The following INSRR variants were observed in gnomAD, a reference collection of about 807,000 sequenced individuals.
INSRR encodes insulin receptor related receptor, also known as insulin receptor-related protein.
A neutral mutation model predicts 130.0 loss-of-function variants in INSRR; 114 were observed. The ratio of observed to expected loss-of-function variants is 0.88; its 90% CI spans 0.75 to 1.02. INSRR has a LOEUF of 1.02. Ranked by LOEUF, INSRR falls within the 50% of genes least tolerant of loss-of-function variation. INSRR has a pLI of 0.00. For missense variants in INSRR, 1,657 were observed against 1,735.2 expected (o/e 0.95, Z 0.80); for synonymous variants, 674 against 705.2 (o/e 0.96, Z 0.70).
intron 5 of INSRR, 40 bp downstream of exon 5, chr1:156,851,250 G>A: frequency 1.9e-6 from 3 of 1,611,238 alleles, no homozygotes; most frequent in Non-Finnish European, 2.5e-6. Context: ...TTGGAGGAAG[G>A]AGTGTAATAG....
Position 156,852,202 on chromosome 1 carries a change from A to G in INSRR, c.638-11T>C. The stretch of plus-strand genomic sequence containing the variant: ...GGGGGCAGGGGCACACTGTGGGGAG[A>G]GTGGTGTGTTAGACGTTGGCCATGC... On this transcript the variant is annotated splice_polypyrimidine_tract_variant and intron_variant, in intron 2 of 21. Coordinates refer to ENST00000368195, the MANE Select transcript of INSRR (RefSeq NM_014215.3). The G allele has an allele frequency of 6.3e-7, 1 of 1,578,418 alleles. No individual in the cohort carries two copies. Among genetic ancestry groups the G allele is most frequent in the Non-Finnish European group, 8.6e-7 (1 of 1,159,292 alleles).
rs753867789 is a variant in INSRR, at chr1:156,845,278, G to T, written c.2235C>A (p.Arg745=). ...CCAGCCGGAGGGGCCCAGCTGCCCG[G>T]CGGTGCCGCCCTGAGTCCCTGGGGA... ...KSPQRDSGRH[R]RAAGPLRLGG... is the part of the protein sequence containing the mutation. The change falls in exon 12 of 22, where the codon CGC becomes CGA. Residue 745 remains arginine (R), a synonymous_variant. Coordinates refer to ENST00000368195, the MANE Select transcript of INSRR (RefSeq NM_014215.3). 2 of 1,612,434 alleles carry T rather than the reference G, an allele frequency of 1.2e-6. No homozygotes were observed. Among genetic ancestry groups the T allele is most frequent in the African/African-American group, 1.3e-5 (1 of 74,932 alleles).
chr1:156,846,658 C>A lies in INSRR; in HGVS notation c.1671G>T (p.Glu557Asp). ...TGAGGGAGGCTAGGGTCACCCCTGG[C>A]TCCTGGGTGCGGCTTAGGGGCAGCT... ...DVELPLSRTQ[E>D]PGVTLASLKP... The change falls in exon 8 of 22, where the codon GAG (glutamate) becomes GAT (aspartate). Residue 557 changes from glutamate (E) to aspartate (D), a missense_variant. Coordinates refer to ENST00000368195, the MANE Select transcript of INSRR (RefSeq NM_014215.3). 1.9e-6 allele frequency: 3 copies of A among 1,614,198 alleles called. No individual in the cohort carries two copies. Among genetic ancestry groups the A allele is most frequent in the Non-Finnish European group, 2.5e-6 (3 of 1,180,018 alleles).
chr1:156,846,243 C>T, intron 8 of INSRR, 124 bp from the exon 9 acceptor site: 3 of 1,050,320 alleles, frequency 2.9e-6, no homozygotes, highest in Admixed American at 2.8e-5. Flanking sequence ...GATCCTCACC[C>T]CTGGCTTCCT....
In INSRR at chr1:156,842,490, C is replaced by G; in HGVS notation, c.3145G>C (p.Val1049Leu). 6.2e-7 allele frequency: 1 copy of G among 1,614,036 alleles called. No homozygotes were observed. Among genetic ancestry groups the G allele is most frequent in the South Asian group, 1.1e-5 (1 of 91,078 alleles). Residue 1049 changes from valine (V) to leucine (L), a missense_variant, in exon 18 of 22, where the codon GTA (valine) becomes CTA (leucine). Coordinates refer to ENST00000368195, the MANE Select transcript of INSRR (RefSeq NM_014215.3). ...ACCAGAGTTGGCTGGCCCTGAGATA[C>G]CACACCCAGGAGACGCACCTGGGAC... ...CHHVVRLLGV[V>L]SQGQPTLVIM...
At position 156,853,942 on chromosome 1, in the gene INSRR, G is replaced by C. The variant is rs769299119; in HGVS notation, c.447C>G (p.His149Gln). Residue 149 changes from histidine to glutamine, a missense_variant, in exon 2 of 22, where the codon CAC becomes CAG. Transcript: ENST00000368195. The stretch of plus-strand genomic sequence containing the variant: ...GCAGTCCCCAGTCAATGGTGGAGAG[G>C]TGGCAGAGCTCCTGGTTCTTCTCCA... ...VRVEKNQELC[H>Q]LSTIDWGLLQ... 3 of 1,613,726 alleles carry C rather than the reference G, an allele frequency of 1.9e-6. No homozygotes were observed. Among genetic ancestry groups the C allele is most frequent in the Non-Finnish European group, 2.5e-6 (3 of 1,179,800 alleles).
At chr1:156,842,017 G>T (rs1654809054) in intron 19 of INSRR, 95 bp downstream of exon 19, 1 of 1,586,408 alleles carries the variant, frequency 6.3e-7, no homozygotes, top group Non-Finnish European at 8.6e-7. Context: ...GGTCTCACAG[G>T]CTGTCAGGAC....
rs765450452 is a variant in INSRR, at chr1:156,844,540, A to C, written c.2659T>G (p.Ser887Ala). ...AGTGAGGTTGCCCTAACCCTGGCAG[A>C]GTAGTTTCCAGGGGGCAGCAGGGCC... ...HLALLPPGNY[S>A]ARVRATSLAG... The change falls in exon 14 of 22, where the codon TCT (serine) becomes GCT (alanine). Residue 887 changes from serine to alanine, a missense_variant. By Grantham distance (99) the Ser-to-Ala change is moderately conservative. Coordinates refer to ENST00000368195, the MANE Select transcript of INSRR (RefSeq NM_014215.3). The C allele has an allele frequency of 1.2e-6, 2 of 1,614,190 alleles. No individual in the cohort carries two copies. The highest frequency in any genetic ancestry group is 1.7e-6 in the Non-Finnish European group (2 of 1,180,030).
At chr1:156,855,223 A>C (rs1175366517) in intron 1 of INSRR, among the ~76,000 whole-genome samples, 1 of 26,884 alleles carries the variant, frequency 3.7e-5, no homozygotes, top group Non-Finnish European at 8.8e-5. Context: ...TATTTATTTG[A>C]TATGGAGTCT....
At chr1:156,850,531 ATTCTTTTTTTT>A (rs1457613988) in intron 5 of INSRR, among the ~76,000 whole-genome samples, 38 of 97,052 alleles carry the variant, frequency 3.9e-4, no homozygotes, top group Middle Eastern at 0.016. Context: ...AATTTAAAAC[ATTCTTTTTTTT>A]TTTTTTTTTT....
At chr1:156,853,087 G>T (rs1035028374) in intron 2 of INSRR, among the ~76,000 whole-genome samples, 1 of 151,936 alleles carries the variant, frequency 6.6e-6, no homozygotes, top group Non-Finnish European at 1.5e-5. Context: ...TTTCTCTACT[G>T]CTTTTTTCCT....
Position 156,858,852 on chromosome 1 carries a change from T to A in INSRR, c.-231A>T. 1.8e-6 allele frequency: 1 copy of A among 568,884 alleles called. No individual in the cohort carries two copies. Among genetic ancestry groups the A allele is most frequent in the Non-Finnish European group, 3.1e-6 (1 of 317,826 alleles). 35.2% of individuals were successfully genotyped at this position (568,884 alleles called of 1,614,324 possible). On this transcript the variant is annotated 5_prime_UTR_variant, in exon 1 of 22. The change abolishes an upstream ATG in the 5' untranslated region. Coordinates refer to ENST00000368195, the MANE Select transcript of INSRR (RefSeq NM_014215.3). ...CAGTTGGAGACAGAGAGACTCAGCA[T>A]GAGATTGAGAGATGGGGACAGAGAT...
chr1:156,844,139 GA>G, intron 15 of INSRR, 35 bp downstream of exon 15: 2 of 1,489,000 alleles, frequency 1.3e-6, no homozygotes, highest in Non-Finnish European at 9.3e-7. Context: ...GGCTCAGGGA[GA>G]AAAGGGGGTG....
rs1461980266 is a variant in INSRR, at chr1:156,858,986, GC to G, written c.-366del. 2 of 238,534 alleles carry G rather than the reference GC, an allele frequency of 8.4e-6. No homozygotes were observed. The highest frequency in any genetic ancestry group is 1.7e-5 in the Non-Finnish European group (2 of 118,668). The allele number at this position is 238,534 out of a possible 1,614,324, so 14.8% of individuals were successfully genotyped here. A position where few individuals can be genotyped will look rare whatever the true frequency, so the allele number is the denominator to read the frequency against. On this transcript the variant is annotated 5_prime_UTR_variant, in exon 1 of 22. Transcript: ENST00000368195. Reference sequence around the variant, plus strand: ...GCCAACCCTGAGGGCGGAGCAGCAGGCTGGGGACCGCTCCCAAGGAGGGCAG... The same window carrying G: ...GCCAACCCTGAGGGCGGAGCAGCAGGTGGGGACCGCTCCCAAGGAGGGCAG...
At position 156,844,555 on chromosome 1, in the gene INSRR, G is replaced by A. The variant is rs1004080370; in HGVS notation, c.2644C>T (p.Pro882Ser). 6.2e-7 allele frequency: 1 copy of A among 1,614,198 alleles called. No individual in the cohort carries two copies. Among genetic ancestry groups the A allele is most frequent in the South Asian group, 1.1e-5 (1 of 91,082 alleles). ...ACCCTGGCAGAGTAGTTTCCAGGGG[G>A]CAGCAGGGCCAGGTGGACTCCCCCA... ...KFGGVHLALLPPGNYSARVRA... is the reference protein window; with the variant it reads ...KFGGVHLALLSPGNYSARVRA... Residue 882 changes from proline (P) to serine (S), a missense_variant, in exon 14 of 22, where the codon CCC becomes TCC. Pro to Ser is a moderately conservative substitution (Grantham distance 74). Coordinates refer to ENST00000368195, the MANE Select transcript of INSRR (RefSeq NM_014215.3).
intron 12 of INSRR, 51 bp downstream of exon 12, chr1:156,845,025 G>C (rs1654939335): frequency 7.1e-6 from 11 of 1,558,472 alleles, no homozygotes; most frequent in Non-Finnish European, 9.6e-6. Flanking sequence ...CTTTGCACAG[G>C]GTCCTTGGGG....
At chr1:156,846,452 T>G (rs1655011364) in intron 8 of INSRR, 67 bp downstream of exon 8, 2 of 1,294,002 alleles carry the variant, frequency 1.5e-6, no homozygotes, top group African/African-American at 2.9e-5. Flanking sequence ...CTATTTCTGG[T>G]GCCTGTGCTC....
At chr1:156,847,590 G>A (rs1171093482) in intron 7 of INSRR, among the ~76,000 whole-genome samples, 1 of 152,172 alleles carries the variant, frequency 6.6e-6, no homozygotes. Flanking sequence ...AAATTGGGTG[G>A]CAGTGGGGGA....
At chr1:156,855,212 T>TATCTATCTATC (rs60194471) in intron 1 of INSRR, among the ~76,000 whole-genome samples, 4,931 of 28,250 alleles carry the variant, frequency 0.17, 84 homozygotes, top group Middle Eastern at 0.25. Flanking sequence ...ATCTATCTAT[T>TATCTATCTATC]TATTTATTTG....
Sources: gnomAD v4.1 joint callset for allele counts (sites outside exome capture counted in the v4.1 genomes callset) on GRCh38, gnomAD v4.1.1 for gene constraint, MANE v1.5 for transcripts, NCBI Gene and HGNC (gene_info 2026-07-23, HGNC 2026-07-21) for gene names.